Variants in PIK3R5 observed in about 807,000 individuals in gnomAD.
The protein encoded by PIK3R5 is phosphoinositide 3-kinase regulatory subunit 5.
A neutral mutation model predicts 94.9 loss-of-function variants in PIK3R5; 32 were observed. The ratio of observed to expected loss-of-function variants is 0.34; its 90% confidence interval spans 0.25 to 0.45. PIK3R5 has a LOEUF of 0.45. Among genes scored for constraint, PIK3R5 ranks in the 20% least tolerant of loss-of-function variants. PIK3R5 has a pLI of 1.00. For synonymous variants in PIK3R5, 443 were observed against 479.4 expected, an observed-to-expected ratio of 0.92 and a Z score of 0.99; for missense variants, 853 against 1,144.6, an observed-to-expected ratio of 0.75 and a Z score of 3.68.
rs750874395 is a variant in PIK3R5 at position 8,911,600 on chromosome 17, C to T, written c.-13-93G>A. On this transcript the variant is annotated intron_variant, in intron 1 of 18. Transcript: ENST00000447110. This position sits in a 1 kb window ranked among gnomAD's most constrained non-coding sequence, Gnocchi z 5.3. ...GACAACAGGTGCTCACAGTGCAGCG[C>T]GATCAGCCCAGCCCAGCTATAGCTC... is the stretch of plus-strand genomic sequence containing the variant. The T allele has an allele frequency of 2.9e-5, 23 of 787,206 alleles. No individual in the cohort carries two copies. Among genetic ancestry groups the T allele is most frequent in the East Asian group, 5.4e-5 (2 of 37,216 alleles). The allele number at this position is 787,206 out of a possible 1,614,324, so 48.8% of individuals were successfully genotyped here. A position where few individuals can be genotyped will look rare whatever the true frequency, so the allele number is the denominator to read the frequency against.
chr17:8,884,721 T>A lies in PIK3R5; in HGVS notation c.2191A>T (p.Ile731Phe). 6.2e-7 allele frequency: 1 copy of A among 1,612,922 alleles called. No homozygotes were observed. The highest frequency in any genetic ancestry group is 8.5e-7 in the Non-Finnish European group (1 of 1,179,234). ...ACGGGTCTTACCTTGCTGTAAATAA[T>A]CTGTAGTGTTAGAGGAACAGCCTCC... is the stretch of plus-strand genomic sequence containing the variant. ...DREAVPLTLQ[I>F]IYSKGAISGR... The change falls in exon 15 of 19, where the codon ATT (isoleucine) becomes TTT (phenylalanine). Residue 731 changes from isoleucine to phenylalanine, a missense_variant. Transcript: ENST00000447110. This position sits in a 1 kb window ranked among gnomAD's most constrained non-coding sequence, Gnocchi z 5.8.
Position 8,909,267 on chromosome 17 carries a change from A to T in PIK3R5, c.104-93T>A. 1 of 728,322 alleles carries T rather than the reference A, an allele frequency of 1.4e-6. No homozygotes were observed. The highest frequency in any genetic ancestry group is 1.6e-5 in the South Asian group (1 of 63,078). The allele number at this position is 728,322 out of a possible 1,614,324, so 45.1% of individuals were successfully genotyped here. On this transcript the variant is annotated intron_variant, in intron 2 of 18. Coordinates refer to ENST00000447110, the MANE Select transcript of PIK3R5 (RefSeq NM_001142633.3). The surrounding 1 kb of genome is among the most constrained non-coding windows in gnomAD (Gnocchi z 4.3). ...AAAGAAGGGGCATTTATGCTGGAAC[A>T]TTTTTCTGTGGTATTGCACTGGAAC...
chr17:8,957,284 C>G (rs2091480903), intron 1 of PIK3R5, among the ~76,000 whole-genome samples: 1 of 152,210 alleles, frequency 6.6e-6, no homozygotes, highest in African/African-American at 2.4e-5. Flanking sequence ...GCCTCCCATT[C>G]CACTGTTGAC....
intron 1 of PIK3R5, among the ~76,000 whole-genome samples, chr17:8,940,968 G>A (rs1163277187): frequency 6.6e-6 from 1 of 152,022 alleles, no homozygotes; most frequent in Non-Finnish European, 1.5e-5. Context: ...AGGCATCCCC[G>A]CTCCTCTCTC....
intron 1 of PIK3R5, among the ~76,000 whole-genome samples, chr17:8,919,950 C>T (rs2090705843): frequency 2.2e-5 from 3 of 134,726 alleles, no homozygotes; most frequent in Admixed American, 1.8e-4. Flanking sequence ...AGTGCAGTGG[C>T]GTGATCTCGG....
intron 1 of PIK3R5, among the ~76,000 whole-genome samples, chr17:8,923,197 T>TAA (rs1037193044): frequency 3.3e-5 from 5 of 152,316 alleles, no homozygotes; most frequent in Non-Finnish European, 7.3e-5. Flanking sequence ...TCCTGTTGGC[T>TAA]AAAAGACTTT....
At chr17:8,902,245 ATTAAT>A (rs2090300353) in intron 5 of PIK3R5, among the ~76,000 whole-genome samples, 1 of 119,156 alleles carries the variant, frequency 8.4e-6, no homozygotes, top group African/African-American at 3.4e-5. Flanking sequence ...GGTTTGATAT[ATTAAT>A]TTTTTTTTTT....
chr17:8,909,190 G>A lies in PIK3R5; in HGVS notation c.104-16C>T, dbSNP rs202246945. ...CACAGCCCAGCTGGAAAAGGAGAGA[G>A]AGGCAAGGGGTCAGTTCTGGTGTCT... On this transcript the variant is annotated splice_polypyrimidine_tract_variant and intron_variant, in intron 2 of 18. Coordinates refer to ENST00000447110, the MANE Select transcript of PIK3R5 (RefSeq NM_001142633.3). This position sits in a 1 kb window ranked among gnomAD's most constrained non-coding sequence, Gnocchi z 4.3. 1.0e-3 allele frequency: 1,536 copies of A among 1,532,254 alleles called. 11 individuals carry two copies. The highest frequency in any genetic ancestry group is 4.6e-3 in the Middle Eastern group (27 of 5,926). 94.9% of individuals were successfully genotyped at this position (1,532,254 alleles called of 1,614,324 possible). A position where few individuals can be genotyped will look rare whatever the true frequency, so the allele number is the denominator to read the frequency against.
In PIK3R5 at chr17:8,888,911, G is replaced by A. The variant is rs773715240; in HGVS notation, c.896-20C>T. The stretch of plus-strand genomic sequence containing the variant: ...GGATGTCTGCAGGGAAGCAAGGCCA[G>A]CACTGTCTGGGCGTCTGGGCCCCGG... On this transcript the variant is annotated intron_variant, in intron 9 of 18. Coordinates refer to ENST00000447110, the MANE Select transcript of PIK3R5 (RefSeq NM_001142633.3). This position sits in a 1 kb window ranked among gnomAD's most constrained non-coding sequence, Gnocchi z 7.8. The A allele has an allele frequency of 1.9e-6, 3 of 1,582,454 alleles. No homozygotes were observed. In the South Asian group the frequency reaches 3.4e-5, roughly 18 times the overall value.
At chr17:8,894,887 C>T (rs1394454573) in intron 5 of PIK3R5, among the ~76,000 whole-genome samples, 1 of 117,968 alleles carries the variant, frequency 8.5e-6, no homozygotes, top group African/African-American at 3.2e-5. Context: ...CGGGGTAGGG[C>T]GGGGGTTGGG....
At position 8,939,672 on chromosome 17, in the gene PIK3R5, C is replaced by T. The variant is rs760317714; in HGVS notation, c.-14+25924G>A. On this transcript the variant is annotated intron_variant, in intron 1 of 18. Coordinates refer to ENST00000447110, the MANE Select transcript of PIK3R5 (RefSeq NM_001142633.3). ...TGTGGTTTTTGCCTACGTTCAAATG[C>T]GAACTTCAGTTACAGGTGAGTGAAA... Among the ~76,000 whole-genome samples, 4 of 152,172 alleles carry T rather than the reference C, an allele frequency of 2.6e-5. No homozygotes were observed. In the South Asian group the frequency reaches 6.2e-4, roughly 24 times the overall value.
At chr17:8,887,039 G>C in intron 12 of PIK3R5, 57 bp downstream of exon 12, 1 of 1,602,758 alleles carries the variant, frequency 6.2e-7, no homozygotes, top group Non-Finnish European at 8.5e-7. Flanking sequence ...GGCCTTCTAA[G>C]TGAGGCTGGG....
chr17:8,899,370 C>T (rs912897236), intron 5 of PIK3R5, among the ~76,000 whole-genome samples: 1 of 152,208 alleles, frequency 6.6e-6, no homozygotes, highest in Non-Finnish European at 1.5e-5. Context: ...CGTCCCTTCT[C>T]ATTTCTCCCT....
At position 8,890,592 on chromosome 17, in the gene PIK3R5, G is replaced by T; in HGVS notation, c.657+146C>A. On this transcript the variant is annotated intron_variant, in intron 7 of 18. Coordinates refer to ENST00000447110, the MANE Select transcript of PIK3R5 (RefSeq NM_001142633.3). This position sits in a 1 kb window ranked among gnomAD's most constrained non-coding sequence, Gnocchi z 6.1. Reference sequence around the variant, plus strand: ...GCACACCAGAAACACCCTCTATGAGGTCAGCCCTCCAGCCACCACCCTGCC... The same window carrying T: ...GCACACCAGAAACACCCTCTATGAGTTCAGCCCTCCAGCCACCACCCTGCC... The T allele has an allele frequency of 1.4e-6, 1 of 726,848 alleles. No individual in the cohort carries two copies. The highest frequency in any genetic ancestry group is 2.2e-6 in the Non-Finnish European group (1 of 452,278). 45.0% of individuals were successfully genotyped at this position (726,848 alleles called of 1,614,324 possible).
intron 5 of PIK3R5, among the ~76,000 whole-genome samples, chr17:8,902,115 T>C (rs2090296592): frequency 1.3e-5 from 2 of 151,848 alleles, no homozygotes; most frequent in African/African-American, 2.4e-5. Context: ...ATTTTCTTTA[T>C]GAGTAGTGAG....
chr17:8,944,253 T>G (rs1180828322), intron 1 of PIK3R5, among the ~76,000 whole-genome samples: 1 of 152,236 alleles, frequency 6.6e-6, no homozygotes, highest in Admixed American at 6.5e-5. Context: ...GCAAAAGACA[T>G]GATCTTGTTC....
chr17:8,888,967 A>G lies in PIK3R5; in HGVS notation c.896-76T>C, dbSNP rs1481759390. The stretch of plus-strand genomic sequence containing the variant: ...CTTCTATATTCCCTTTGGAGGGGAG[A>G]CAGCAGGACTCAGGGCCAGCCCAGG... On this transcript the variant is annotated intron_variant, in intron 9 of 18. Coordinates refer to ENST00000447110, the MANE Select transcript of PIK3R5 (RefSeq NM_001142633.3). The surrounding 1 kb of genome is among the most constrained non-coding windows in gnomAD (Gnocchi z 7.8). 6.5e-7 allele frequency: 1 copy of G among 1,540,474 alleles called. No individual in the cohort carries two copies. The highest frequency in any genetic ancestry group is 1.4e-5 in the African/African-American group (1 of 73,450).
chr17:8,905,687 G>A lies in PIK3R5; in HGVS notation c.255C>T (p.Phe85=), dbSNP rs1438430184. The change falls in exon 4 of 19, where the codon TTC becomes TTT. Residue 85 remains phenylalanine, a synonymous_variant. Coordinates refer to ENST00000447110, the MANE Select transcript of PIK3R5 (RefSeq NM_001142633.3). ...YDLLTPLALL[F]YSTVLCTPHF... ...GACTTACACAAAGAACAGTGGAATA[G>A]AAGAGCAGGGCCAGCGGGGTGAGCA... The A allele has an allele frequency of 1.0e-5, 16 of 1,606,086 alleles. No individual in the cohort carries two copies. Among genetic ancestry groups the A allele is most frequent in the Non-Finnish European group, 1.3e-5 (15 of 1,176,474 alleles).
At chr17:8,947,381 G>A (rs2091291502) in intron 1 of PIK3R5, among the ~76,000 whole-genome samples, 1 of 152,170 alleles carries the variant, frequency 6.6e-6, no homozygotes, top group Non-Finnish European at 1.5e-5. Flanking sequence ...AGGAAAATGG[G>A]GAGAAAAGGA....
Sources: gnomAD v4.1 joint callset for allele counts (sites outside exome capture counted in the v4.1 genomes callset) on GRCh38, gnomAD v4.1.1 for gene constraint, Gnocchi (gnomAD v3.1) non-coding constraint, MANE v1.5 for transcripts, NCBI Gene and HGNC (gene_info 2026-07-23, HGNC 2026-07-21) for gene names.